The following TNRC6A variants were observed in gnomAD, a reference collection of about 807,000 sequenced individuals.
TNRC6A encodes the protein trinucleotide repeat containing adaptor 6A.
Under a neutral mutation model 221.2 loss-of-function variants are expected in TNRC6A, and 44 were observed. The ratio of observed to expected loss-of-function variants is 0.20; its 90% CI spans 0.16 to 0.26. The LOEUF (loss-of-function observed/expected upper bound fraction) is 0.26. TNRC6A is among the 10% of genes least tolerant of loss of function. The pLI is 1.00. For synonymous variants in TNRC6A, 847 were observed against 838.5 expected (o/e 1.01, Z -0.18); for missense variants, 2,199 against 2,404.4 (o/e 0.91, Z 1.79).
At chr16:24,731,347 GTAGAATTGT>G (rs1404948445) in intron 2 of TNRC6A, among the ~76,000 whole-genome samples, 1 of 152,078 alleles carries the variant, frequency 6.6e-6, no homozygotes, top group Non-Finnish European at 1.5e-5. Context: ...TTTGCACCGC[GTAGAATTGT>G]TCCAAATTGC....
chr16:24,819,386 T>C (rs1456477986), intron 21 of TNRC6A, among the ~76,000 whole-genome samples: 3 of 152,200 alleles, frequency 2.0e-5, no homozygotes, highest in Non-Finnish European at 2.9e-5. Flanking sequence ...TCTCCATTGC[T>C]GCGAGGCAGT....
At chr16:24,651,286 C>T (rs1902632484) in intron 2 of TNRC6A, among the ~76,000 whole-genome samples, 1 of 151,956 alleles carries the variant, frequency 6.6e-6, no homozygotes, top group Non-Finnish European at 1.5e-5. Context: ...CGCCTGTAAT[C>T]CCAGCACTTT....
At chr16:24,750,585 G>T (rs2057113557) in intron 2 of TNRC6A, 141 bp from the exon 3 acceptor site, 1 of 1,056,680 alleles carries the variant, frequency 9.5e-7, no homozygotes, top group Admixed American at 2.9e-5. Flanking sequence ...GTTGCAGGTT[G>T]TGTTTTATTT....
intron 5 of TNRC6A, among the ~76,000 whole-genome samples, chr16:24,781,289 G>A (rs2057840346): frequency 1.3e-5 from 2 of 151,914 alleles, no homozygotes; most frequent in South Asian, 4.2e-4. Flanking sequence ...GAACTCCTGA[G>A]CTCAAGCTAT....
chr16:24,786,804 C>T (rs1338787170), intron 5 of TNRC6A, among the ~76,000 whole-genome samples: 1 of 152,140 alleles, frequency 6.6e-6, no homozygotes, highest in Non-Finnish European at 1.5e-5. Flanking sequence ...GCCTCAGCCT[C>T]CTGAGTAGCT....
intron 2 of TNRC6A, among the ~76,000 whole-genome samples, chr16:24,693,008 C>G (rs9922156): frequency 1.4e-3 from 206 of 152,146 alleles, no homozygotes; most frequent in African/African-American, 4.8e-3. Flanking sequence ...TCACTGTAGT[C>G]TACTTAAAAT....
intron 1 of TNRC6A, among the ~76,000 whole-genome samples, chr16:24,619,066 C>G (rs1394602536): frequency 6.6e-6 from 1 of 152,108 alleles, no homozygotes; most frequent in African/African-American, 2.4e-5. Flanking sequence ...ATTTTAAAAC[C>G]ATTGCTCTAA....
In TNRC6A at chr16:24,702,105, TTC is replaced by T. The variant is rs200522085; in HGVS notation, n.403-48619_403-48618del. Among the ~76,000 whole-genome samples the T allele has an allele frequency of 1.9e-3, 73 of 38,640 alleles. No homozygotes were observed. In the East Asian group the frequency reaches 0.19, roughly 102 times the overall value. The allele number at this position is 38,640 out of a possible 152,430, so 25.3% of individuals were successfully genotyped here. On this transcript the variant is annotated intron_variant and non_coding_transcript_variant, in intron 2 of 2. Transcript: ENST00000566108. Reference sequence around the variant, plus strand: ...ACTCTATTTTCTTTTCTTTTCTTTTTTCTTTTTTTTTTTTTTTTTTGAGGCAG... The same window carrying T: ...ACTCTATTTTCTTTTCTTTTCTTTTTTTTTTTTTTTTTTTTTTTGAGGCAG...
intron 2 of TNRC6A, among the ~76,000 whole-genome samples, chr16:24,706,836 A>T (rs1567374179): frequency 6.6e-6 from 1 of 152,102 alleles, no homozygotes; most frequent in Non-Finnish European, 1.5e-5. Flanking sequence ...GAGAGAAAAA[A>T]ATAAAATTAG....
intron 2 of TNRC6A, among the ~76,000 whole-genome samples, chr16:24,717,346 C>A (rs1470224465): frequency 2.0e-5 from 3 of 152,272 alleles, no homozygotes; most frequent in Non-Finnish European, 2.9e-5. Flanking sequence ...TTCTCCAATT[C>A]TCCAATGTAC....
chr16:24,782,178 G>T (rs1429416476), intron 5 of TNRC6A, among the ~76,000 whole-genome samples: 1 of 152,130 alleles, frequency 6.6e-6, no homozygotes, highest in Non-Finnish European at 1.5e-5. Context: ...ACTGCCATCA[G>T]TTGCAACAAG....
At chr16:24,762,195 G>A (rs1417401306) in intron 4 of TNRC6A, among the ~76,000 whole-genome samples, 1 of 152,212 alleles carries the variant, frequency 6.6e-6, no homozygotes, top group Non-Finnish European at 1.5e-5. Flanking sequence ...AAAAACTCAT[G>A]AAATTAAGTC....
chr16:24,761,346 C>G (rs189647912), intron 4 of TNRC6A, among the ~76,000 whole-genome samples: 1 of 152,104 alleles, frequency 6.6e-6, no homozygotes, highest in African/African-American at 2.4e-5. Context: ...ATGTCTCTTA[C>G]GAGTATGTCC....
chr16:24,768,689 T>C (rs1200510242), intron 4 of TNRC6A, among the ~76,000 whole-genome samples: 1 of 152,226 alleles, frequency 6.6e-6, no homozygotes, highest in African/African-American at 2.4e-5. Flanking sequence ...AGGTGTTTAC[T>C]AAGTTATATT....
chr16:24,684,486 T>C (rs1447881392), intron 2 of TNRC6A, among the ~76,000 whole-genome samples: 1 of 152,026 alleles, frequency 6.6e-6, no homozygotes, highest in Non-Finnish European at 1.5e-5. Flanking sequence ...CAAAATAGTA[T>C]TCTTCTTTGG....
Position 24,758,891 on chromosome 16 carries a change from C to A in TNRC6A, c.163+531C>A, listed in dbSNP as rs112458170. On this transcript the variant is annotated intron_variant, in intron 4 of 24. Coordinates refer to ENST00000395799, the MANE Select transcript of TNRC6A (RefSeq NM_014494.4). Reference sequence around the variant, plus strand: ...CCATTAGACCCCAAGCAAAAGACATCGGAGTGATAAGGAAACAGGACACTA... The same window carrying A: ...CCATTAGACCCCAAGCAAAAGACATAGGAGTGATAAGGAAACAGGACACTA... Among the ~76,000 whole-genome samples, 6 of 152,034 alleles carry A rather than the reference C, an allele frequency of 3.9e-5. No homozygotes were observed. In the East Asian group the frequency reaches 1.2e-3, roughly 29 times the overall value.
At chr16:24,708,493 G>A (rs779151929) in intron 2 of TNRC6A, among the ~76,000 whole-genome samples, 1 of 151,900 alleles carries the variant, frequency 6.6e-6, no homozygotes, top group Non-Finnish European at 1.5e-5. Context: ...CGCCAGTCTC[G>A]GCCTCTCAAA....
chr16:24,815,380 T>A, intron 19 of TNRC6A, 75 bp downstream of exon 19: 2 of 1,516,432 alleles, frequency 1.3e-6, no homozygotes, highest in Non-Finnish European at 9.0e-7. Flanking sequence ...GACTTACTAC[T>A]GATGTAGCCC....
At chr16:24,633,814 G>A (rs914285902) in intron 1 of TNRC6A, among the ~76,000 whole-genome samples, 4 of 144,934 alleles carry the variant, frequency 2.8e-5, no homozygotes, top group South Asian at 2.2e-4. Flanking sequence ...ACGAAGTCTC[G>A]CTTTGATGCC....
Sources: allele counts gnomAD v4.1 joint callset (sites outside exome capture counted in the v4.1 genomes callset), GRCh38; gene constraint gnomAD v4.1.1; transcripts MANE v1.5; gene names NCBI Gene and HGNC (gene_info 2026-07-23, HGNC 2026-07-21).